The following EYS variants were observed in gnomAD, a reference collection of about 807,000 sequenced individuals.
EYS encodes the protein EGF-like photoreceptor maintenance factor.
EYS carries 250 observed loss-of-function variants against 282.1 expected under a neutral mutation model. That is an observed-to-expected ratio of 0.89 (90% CI 0.80 to 0.98). The LOEUF (loss-of-function observed/expected upper bound fraction) is 0.98, where lower values mean the gene tolerates loss of function less well. EYS is among the 50% of genes least tolerant of loss of function. EYS has a pLI of 0.00. For synonymous variants in EYS, 1,355 were observed against 1,282.9 expected, an observed-to-expected ratio of 1.06 and a Z score of -1.20; for missense variants, 4,016 against 3,709.0, an observed-to-expected ratio of 1.08 and a Z score of -2.15.
Position 64,951,071 on chromosome 6 carries a change from C to T in EYS, c.2260-5157G>A, listed in dbSNP as rs373172914. On this transcript the variant is annotated intron_variant, in intron 14 of 42. Transcript: ENST00000503581. ...TCAGCTTGGTCAAGGAGATTAGGTC[C>T]GTGAAGAGAAGAACAGAGAAGTGAG... Among the ~76,000 whole-genome samples, 50 of 151,344 alleles carry T rather than the reference C, an allele frequency of 3.3e-4. No homozygotes were observed. The East Asian group carries it at 7.3e-3, about 22-fold the overall frequency.
intron 22 of EYS, among the ~76,000 whole-genome samples, chr6:64,676,630 C>A (rs930263679): frequency 6.6e-6 from 1 of 152,102 alleles, no homozygotes; most frequent in Non-Finnish European, 1.5e-5. Flanking sequence ...TCTGTTTGGG[C>A]TGCTATAGCA....
intron 11 of EYS, chr6:65,330,099 T>C (rs1769741592): frequency 1.6e-5 from 16 of 980,994 alleles, no homozygotes; most frequent in Non-Finnish European, 1.8e-5. Flanking sequence ...ATAATTACTT[T>C]AGTACTTTAA....
At chr6:63,873,077 T>C (rs1047962354) in intron 35 of EYS, among the ~76,000 whole-genome samples, 4 of 152,152 alleles carry the variant, frequency 2.6e-5, no homozygotes, top group Admixed American at 6.6e-5. Flanking sequence ...TATGTATGCA[T>C]GTGCCATGTT....
At chr6:64,235,500 T>C (rs1484112804) in intron 30 of EYS, among the ~76,000 whole-genome samples, 1 of 152,170 alleles carries the variant, frequency 6.6e-6, no homozygotes, top group African/African-American at 2.4e-5. Context: ...TTGTGGACAT[T>C]TGGGTTGGTT....
rs571655574 is a variant in EYS, at chr6:63,736,758, T to G, written c.8072-10078A>C. Among the ~76,000 whole-genome samples, 37 of 152,076 alleles carry G rather than the reference T, an allele frequency of 2.4e-4. No homozygotes were observed. The East Asian group carries it at 6.6e-3, about 27-fold the overall frequency. ...TCCATTTGTTTGTATCCTCTTTTAT[T>G]TCATTGAGCAGTGGTTTGTAGTTCT... On this transcript the variant is annotated intron_variant, in intron 41 of 42. Transcript: ENST00000503581.
At chr6:64,494,460 T>G (rs1046715337) in intron 26 of EYS, among the ~76,000 whole-genome samples, 1 of 151,632 alleles carries the variant, frequency 6.6e-6, no homozygotes, top group Non-Finnish European at 1.5e-5. Context: ...AGTTGTTTGT[T>G]TCTCTCACTA....
At chr6:64,137,442 C>A (rs1467317527) in intron 31 of EYS, among the ~76,000 whole-genome samples, 3 of 152,162 alleles carry the variant, frequency 2.0e-5, no homozygotes, top group Admixed American at 6.6e-5. Context: ...CCTGTTTCAG[C>A]TTTCAACATG....
chr6:64,034,232 A>G lies in EYS; in HGVS notation c.6725+32106T>C, dbSNP rs75076026. The stretch of plus-strand genomic sequence containing the variant: ...GGGGAGCAATAAAAAGTGATAATAC[A>G]TGGTACTTGTTAATACCACCACTAC... On this transcript the variant is annotated intron_variant, in intron 33 of 42. Transcript: ENST00000503581. 9.5e-4 allele frequency among the ~76,000 whole-genome samples: 144 copies of G among 152,326 alleles called. 1 individual carries two copies. The East Asian group carries it at 0.021, about 22-fold the overall frequency.
intron 29 of EYS, among the ~76,000 whole-genome samples, chr6:64,372,096 G>A (rs1402277577): frequency 6.8e-6 from 1 of 146,256 alleles, no homozygotes; most frequent in Non-Finnish European, 1.5e-5. Context: ...TGTTTGTGTG[G>A]CTGCTTTATA....
intron 7 of EYS, among the ~76,000 whole-genome samples, chr6:65,393,509 T>G (rs1766140837): frequency 6.6e-6 from 1 of 152,172 alleles, no homozygotes; most frequent in African/African-American, 2.4e-5. Context: ...ATTTTAAAAA[T>G]CATTTTTCAA....
intron 41 of EYS, among the ~76,000 whole-genome samples, chr6:63,731,596 A>T (rs949935288): frequency 1.3e-5 from 2 of 152,132 alleles, no homozygotes; most frequent in African/African-American, 2.4e-5. Flanking sequence ...ATAATCATCT[A>T]TATTTTTCCC....
chr6:65,241,485 C>G (rs1767056896), intron 12 of EYS, among the ~76,000 whole-genome samples: 1 of 152,054 alleles, frequency 6.6e-6, no homozygotes, highest in Non-Finnish European at 1.5e-5. Flanking sequence ...CTCCAACACC[C>G]ACTTTTTTAA....
chr6:64,860,180 G>A (rs780091708), intron 19 of EYS, among the ~76,000 whole-genome samples: 12 of 152,196 alleles, frequency 7.9e-5, no homozygotes, highest in Non-Finnish European at 1.0e-4. Flanking sequence ...AGAGTTTGCA[G>A]TATGTATTTA....
intron 12 of EYS, among the ~76,000 whole-genome samples, chr6:65,279,114 G>A (rs1768146053): frequency 6.6e-6 from 1 of 152,026 alleles, no homozygotes; most frequent in Non-Finnish European, 1.5e-5. Context: ...CTTGAACCCA[G>A]GTAGTGGAGG....
chr6:64,967,303 C>T (rs541083400), intron 14 of EYS, among the ~76,000 whole-genome samples: 1 of 151,882 alleles, frequency 6.6e-6, no homozygotes, highest in East Asian at 2.0e-4. Context: ...ATAAGCTGTT[C>T]ACTGTAGTCT....
At chr6:65,246,944 A>C (rs1323518669) in intron 12 of EYS, among the ~76,000 whole-genome samples, 1 of 152,120 alleles carries the variant, frequency 6.6e-6, no homozygotes, top group Non-Finnish European at 1.5e-5. Context: ...ATAAACTCAG[A>C]AATGAAGAGA....
chr6:64,160,477 G>T (rs550343397), intron 31 of EYS, among the ~76,000 whole-genome samples: 1 of 152,228 alleles, frequency 6.6e-6, no homozygotes, highest in South Asian at 2.1e-4. Context: ...AAATTCACTT[G>T]TATTTAGTCT....
chr6:64,801,376 T>C (rs1358113026), intron 22 of EYS, among the ~76,000 whole-genome samples: 1 of 152,140 alleles, frequency 6.6e-6, no homozygotes, highest in East Asian at 1.9e-4. Context: ...CTAAACTATA[T>C]ACACAGAAAA....
At chr6:65,598,614 T>C (rs1300161038) in intron 2 of EYS, among the ~76,000 whole-genome samples, 2 of 152,134 alleles carry the variant, frequency 1.3e-5, no homozygotes, top group African/African-American at 4.8e-5. Flanking sequence ...AGAGAAATTT[T>C]AAATTATATC....
Sources: gnomAD v4.1 joint callset for allele counts (sites outside exome capture counted in the v4.1 genomes callset) on GRCh38, gnomAD v4.1.1 for gene constraint, MANE v1.5 for transcripts, NCBI Gene and HGNC (gene_info 2026-07-23, HGNC 2026-07-21) for gene names.